DLEU7: variants seen among roughly 807,000 people sequenced by gnomAD.
The protein encoded by DLEU7 is leukemia-associated protein 7.
Under a neutral mutation model 16.0 loss-of-function variants are expected in DLEU7, and 17 were observed. That is an observed-to-expected ratio of 1.06 (90% CI 0.73 to 1.59). The LOEUF (loss-of-function observed/expected upper bound fraction) is 1.59, where lower values mean the gene tolerates loss of function less well. Ranked by LOEUF, DLEU7 falls within the 40% of genes most tolerant of loss-of-function variation. The pLI, the probability that DLEU7 is intolerant of heterozygous loss-of-function variation, is 0.00. For missense variants in DLEU7, 308 were observed against 314.9 expected (o/e 0.98, Z 0.17); for synonymous variants, 113 against 139.8 (o/e 0.81, Z 1.35).
chr13:50,822,765 C>T (rs564315464), downstream of DLEU7: 1 of 985,620 alleles, frequency 1.0e-6, no homozygotes, highest in African/African-American at 1.7e-5. Context: ...CTTCTCTGCT[C>T]AACAGTAAGT....
At position 50,720,946 on chromosome 13, in the gene DLEU7, C is replaced by T. The variant is rs538885288; in HGVS notation, c.460-7706G>A. On this transcript the variant is annotated intron_variant, in intron 1 of 1. Transcript: ENST00000400393. Reference sequence around the variant, plus strand: ...TGTGATGGTTAATATTGAATGTCAACTTGATTGGATTGAAGGATGCAAAGT... The same window carrying T: ...TGTGATGGTTAATATTGAATGTCAATTTGATTGGATTGAAGGATGCAAAGT... 3.2e-4 allele frequency among the ~76,000 whole-genome samples: 49 copies of T among 152,252 alleles called. 2 individuals are homozygous for T. In the South Asian group the frequency reaches 0.01, roughly 32 times the overall value.
intron 1 of DLEU7, among the ~76,000 whole-genome samples, chr13:50,785,221 A>G (rs757970272): frequency 3.9e-5 from 6 of 152,198 alleles, no homozygotes; most frequent in Non-Finnish European, 8.8e-5. Flanking sequence ...CAAGTGAGAC[A>G]CAGAGATGGA....
intron 1 of DLEU7, among the ~76,000 whole-genome samples, chr13:50,824,682 A>G (rs1877024156): frequency 6.6e-6 from 1 of 152,210 alleles, no homozygotes; most frequent in Non-Finnish European, 1.5e-5. Flanking sequence ...CCTCTGTACT[A>G]GATGAACATC....
chr13:50,776,896 G>A (rs1010191526), intron 1 of DLEU7, among the ~76,000 whole-genome samples: 2 of 152,090 alleles, frequency 1.3e-5, no homozygotes, highest in Admixed American at 1.3e-4. Flanking sequence ...CTTATTGGTG[G>A]CTTATAGGTT....
intron 1 of DLEU7, among the ~76,000 whole-genome samples, chr13:50,722,307 C>T (rs1873643712): frequency 1.3e-5 from 2 of 152,212 alleles, no homozygotes; most frequent in African/African-American, 4.8e-5. Context: ...GCTGGGTTCA[C>T]CTGCTTTTCC....
At chr13:50,760,932 A>G (rs2706231) in intron 1 of DLEU7, among the ~76,000 whole-genome samples, 71,416 of 151,930 alleles carry the variant, frequency 0.47, 17,768 homozygotes, top group African/African-American at 0.62. Context: ...GGGGCAATGA[A>G]AATTTGTGGT....
At chr13:50,736,398 G>A (rs75143534) in intron 1 of DLEU7, among the ~76,000 whole-genome samples, 7,064 of 152,076 alleles carry the variant, frequency 0.046, 195 homozygotes, top group Non-Finnish European at 0.059. Context: ...AATAACTATC[G>A]GGTACCAGGC....
chr13:50,779,217 T>C (rs1875586050), intron 1 of DLEU7, among the ~76,000 whole-genome samples: 1 of 152,184 alleles, frequency 6.6e-6, no homozygotes, highest in African/African-American at 2.4e-5. Flanking sequence ...TGAATTAAGA[T>C]TCGGAATCTC....
At chr13:50,835,249 C>G (rs56397918) in intron 1 of DLEU7, among the ~76,000 whole-genome samples, 15,099 of 152,188 alleles carry the variant, frequency 0.099, 1,042 homozygotes, top group African/African-American at 0.19. Context: ...CAAATGATGC[C>G]AGGTGCAGTA....
intron 1 of DLEU7, among the ~76,000 whole-genome samples, chr13:50,717,645 T>G (rs983172925): frequency 3.3e-5 from 5 of 151,504 alleles, no homozygotes; most frequent in African/African-American, 1.2e-4. Flanking sequence ...AGTCCATAAA[T>G]CAGAACACTT....
At chr13:50,768,308 T>C (rs1447715854) in intron 1 of DLEU7, among the ~76,000 whole-genome samples, 1 of 152,168 alleles carries the variant, frequency 6.6e-6, no homozygotes, top group Non-Finnish European at 1.5e-5. Flanking sequence ...TATTATACTT[T>C]AAGTTCTAGG....
chr13:50,722,810 G>A (rs1329352121), intron 1 of DLEU7, among the ~76,000 whole-genome samples: 1 of 152,118 alleles, frequency 6.6e-6, no homozygotes, highest in African/African-American at 2.4e-5. Context: ...AGATTTGCAT[G>A]TAGTTGTAGG....
intron 1 of DLEU7, among the ~76,000 whole-genome samples, chr13:50,724,067 A>G (rs1264694001): frequency 6.6e-6 from 1 of 152,034 alleles, no homozygotes; most frequent in Non-Finnish European, 1.5e-5. Flanking sequence ...AATTTTTAAA[A>G]GAAAAAGATG....
intron 1 of DLEU7, among the ~76,000 whole-genome samples, chr13:50,784,147 G>A (rs1264115649): frequency 2.6e-5 from 4 of 152,226 alleles, no homozygotes; most frequent in Non-Finnish European, 5.9e-5. Context: ...TGCTTTGGAA[G>A]CACTTCTGCT....
intron 1 of DLEU7, among the ~76,000 whole-genome samples, chr13:50,782,310 CAT>C (rs1875672579): frequency 6.6e-6 from 1 of 152,212 alleles, no homozygotes; most frequent in Non-Finnish European, 1.5e-5. Flanking sequence ...GGAAATCAGA[CAT>C]GTGCATATGT....
chr13:50,769,767 C>T (rs151065017), intron 1 of DLEU7, among the ~76,000 whole-genome samples: 14 of 152,264 alleles, frequency 9.2e-5, no homozygotes, highest in Admixed American at 2.6e-4. Context: ...CTTAGCAATG[C>T]GGGCTCTTTT....
chr13:50,789,064 G>A (rs548956641), intron 1 of DLEU7, among the ~76,000 whole-genome samples: 7 of 152,008 alleles, frequency 4.6e-5, no homozygotes, highest in Non-Finnish European at 1.0e-4. Flanking sequence ...TTGCCAAACA[G>A]AGCCTCGTCA....
chr13:50,836,185 T>G (rs977268838), intron 1 of DLEU7, among the ~76,000 whole-genome samples: 1 of 152,218 alleles, frequency 6.6e-6, no homozygotes, highest in Admixed American at 6.5e-5. Context: ...TACCTTGAGC[T>G]TTATTCTCTT....
At chr13:50,775,727 G>A (rs553778845) in intron 1 of DLEU7, among the ~76,000 whole-genome samples, 2 of 152,300 alleles carry the variant, frequency 1.3e-5, no homozygotes, top group East Asian at 3.9e-4. Context: ...CACTCAGTAA[G>A]GGTCAAATCC....
Sources: allele counts gnomAD v4.1 joint callset (sites outside exome capture counted in the v4.1 genomes callset), GRCh38; gene constraint gnomAD v4.1.1; transcripts MANE v1.5; gene names NCBI Gene and HGNC (gene_info 2026-07-23, HGNC 2026-07-21).